The following CREM variants were observed in gnomAD, a reference collection of about 807,000 sequenced individuals.
CREM encodes the protein cAMP-responsive element modulator.
In CREM, 13 loss-of-function variants were observed where a neutral mutation model predicts 37.3. That is an observed-to-expected ratio of 0.35 (90% CI 0.23 to 0.55). The LOEUF is 0.55. Among genes scored for constraint, CREM ranks in the 20% least tolerant of loss-of-function variants. The pLI, the probability that CREM is intolerant of heterozygous loss-of-function variation, is 0.88. For missense variants in CREM, 296 were observed against 362.3 expected (o/e 0.82, Z 1.49); for synonymous variants, 124 against 120.2 (o/e 1.03, Z -0.21).
chr10:35,130,748 C>G (rs1447970103), intron 1 of CREM, among the ~76,000 whole-genome samples: 2 of 152,230 alleles, frequency 1.3e-5, no homozygotes, highest in Non-Finnish European at 2.9e-5. Context: ...GAGCAACAGG[C>G]TATCCCATTT....
chr10:35,140,068 G>T (rs1222839499), intron 2 of CREM, among the ~76,000 whole-genome samples: 1 of 152,152 alleles, frequency 6.6e-6, no homozygotes, highest in Non-Finnish European at 1.5e-5. Context: ...ATATAAATCT[G>T]CAGAATAAAC....
chr10:35,153,195 G>C (rs529994504), intron 3 of CREM, among the ~76,000 whole-genome samples: 2 of 152,166 alleles, frequency 1.3e-5, no homozygotes, highest in African/African-American at 2.4e-5. Flanking sequence ...AGTGCACTGT[G>C]ATCATGCCTA....
intron 5 of CREM, among the ~76,000 whole-genome samples, chr10:35,184,661 A>G (rs1156685275): frequency 1.3e-5 from 2 of 152,176 alleles, no homozygotes; most frequent in Non-Finnish European, 2.9e-5. Flanking sequence ...ATATCTAATT[A>G]TATAATGACT....
chr10:35,132,900 C>G (rs1415253497), intron 1 of CREM, among the ~76,000 whole-genome samples: 1 of 152,204 alleles, frequency 6.6e-6, no homozygotes, highest in East Asian at 1.9e-4. Flanking sequence ...CTTTATCTTT[C>G]AAACTTTATT....
At chr10:35,151,998 C>T (rs1029979317) in intron 3 of CREM, among the ~76,000 whole-genome samples, 2 of 152,102 alleles carry the variant, frequency 1.3e-5, no homozygotes, top group Non-Finnish European at 2.9e-5. Context: ...ATGATGTATG[C>T]CAAAAGTGAC....
At chr10:35,170,468 AG>A (rs1448821613) in intron 3 of CREM, among the ~76,000 whole-genome samples, 2 of 152,206 alleles carry the variant, frequency 1.3e-5, no homozygotes. Flanking sequence ...TAGTTTCAGA[AG>A]GAATGGTACC....
At chr10:35,143,824 A>G (rs1247414335) in intron 2 of CREM, among the ~76,000 whole-genome samples, 1 of 152,122 alleles carries the variant, frequency 6.6e-6, no homozygotes, top group Non-Finnish European at 1.5e-5. Context: ...CAACATGCTG[A>G]CCTTGATTGG....
At chr10:35,202,465 A>G (rs974790831) in intron 6 of CREM, among the ~76,000 whole-genome samples, 2 of 152,200 alleles carry the variant, frequency 1.3e-5, no homozygotes, top group Admixed American at 6.6e-5. Context: ...TATGTTGCCC[A>G]GGCTGGACTT....
rs914066908 is a variant in CREM, at chr10:35,212,507, CAT to C, written c.*1112_*1113del. 1.3e-5 allele frequency: 2 copies of C among 152,736 alleles called. No homozygotes were observed. Among genetic ancestry groups the C allele is most frequent in the African/African-American group, 2.4e-5 (1 of 41,432 alleles). 9.5% of individuals were successfully genotyped at this position (152,736 alleles called of 1,614,324 possible). A position where few individuals can be genotyped will look rare whatever the true frequency, so the allele number is the denominator to read the frequency against. On this transcript the variant is annotated 3_prime_UTR_variant, in exon 8 of 8. Transcript: ENST00000685392. ...TAATATTACCTAATGAAAGTGATGA[CAT>C]ATTTTTTATATCTGGAATGAGCCTG...
intron 1 of CREM, among the ~76,000 whole-genome samples, chr10:35,134,089 C>G (rs181004800): frequency 6.6e-6 from 1 of 151,376 alleles, no homozygotes; most frequent in South Asian, 2.1e-4. Flanking sequence ...CTCTGTTGCC[C>G]TGGCTGGAGT....
At chr10:35,200,019 A>C (rs2134212009) in intron 6 of CREM, among the ~76,000 whole-genome samples, 1 of 150,692 alleles carries the variant, frequency 6.6e-6, no homozygotes, top group African/African-American at 2.4e-5. Flanking sequence ...CCTCCCAAGT[A>C]GCTGAGATTA....
At chr10:35,185,929 T>C (rs2094539070) in intron 5 of CREM, among the ~76,000 whole-genome samples, 2 of 152,230 alleles carry the variant, frequency 1.3e-5, no homozygotes, top group South Asian at 4.1e-4. Flanking sequence ...TGAAAATTTG[T>C]TGTTGTTACT....
intron 1 of CREM, among the ~76,000 whole-genome samples, chr10:35,133,687 C>G (rs546217539): frequency 2.2e-4 from 34 of 152,340 alleles, no homozygotes; most frequent in Admixed American, 6.5e-4. Context: ...AAACAGTTCT[C>G]TTTTTGAATC....
In CREM at chr10:35,175,867, A is replaced by T. The variant is rs757970900; in HGVS notation, c.169-3022A>T. The T allele has an allele frequency of 1.0e-5, 16 of 1,569,738 alleles. No homozygotes were observed. In the African/African-American group the frequency reaches 1.8e-4, roughly 17 times the overall value. On this transcript the variant is annotated intron_variant, in intron 3 of 7. Coordinates refer to ENST00000685392, the MANE Select transcript of CREM (RefSeq NM_183011.2). ...CATTTTGGCAGGTTTCTGTGGCTGGATCAGGCACCAGAAGAGGCTCCCCAG... is the reference window on the plus strand; with the variant it reads ...CATTTTGGCAGGTTTCTGTGGCTGGTTCAGGCACCAGAAGAGGCTCCCCAG...
At chr10:35,206,810 A>C in intron 6 of CREM, 85 bp from the exon 7 acceptor site, 1 of 1,279,134 alleles carries the variant, frequency 7.8e-7, no homozygotes. Context: ...AGATGTCAAA[A>C]GTATATCATT....
chr10:35,127,909 G>T (rs956044524), intron 1 of CREM, among the ~76,000 whole-genome samples: 2 of 152,026 alleles, frequency 1.3e-5, no homozygotes, highest in African/African-American at 4.8e-5. Flanking sequence ...GCAGGGGCAT[G>T]ATCTCGGCTC....
chr10:35,141,520 G>A (rs1465176737), intron 2 of CREM, among the ~76,000 whole-genome samples: 6 of 152,136 alleles, frequency 3.9e-5, no homozygotes, highest in Admixed American at 1.3e-4. Flanking sequence ...TGAACAACTC[G>A]TTGGATGATG....
At position 35,137,750 on chromosome 10, in the gene CREM, T is replaced by A. The variant is rs1468918066; in HGVS notation, c.-54-32T>A. ...GAGTTTTTGAAGTGAAATGTTACGA[T>A]CTCCCAATTCAACATTATAATTTTA... On this transcript the variant is annotated intron_variant, in intron 1 of 7. Coordinates refer to ENST00000685392, the MANE Select transcript of CREM (RefSeq NM_183011.2). 4.1e-6 allele frequency: 4 copies of A among 978,488 alleles called. No individual in the cohort carries two copies. The African/African-American group carries it at 6.9e-5, about 17-fold the overall frequency. 60.6% of individuals were successfully genotyped at this position (978,488 alleles called of 1,614,324 possible). A position where few individuals can be genotyped will look rare whatever the true frequency, so the allele number is the denominator to read the frequency against.
chr10:35,169,653 G>C (rs1181454861), intron 3 of CREM, among the ~76,000 whole-genome samples: 2 of 152,166 alleles, frequency 1.3e-5, no homozygotes, highest in Admixed American at 6.5e-5. Flanking sequence ...GTGAGAGAGG[G>C]CATCCCTGTC....
Sources: allele counts gnomAD v4.1 joint callset (sites outside exome capture counted in the v4.1 genomes callset), GRCh38; gene constraint gnomAD v4.1.1; transcripts MANE v1.5; gene names NCBI Gene and HGNC (gene_info 2026-07-23, HGNC 2026-07-21).